DGKI: variants seen among roughly 807,000 people sequenced by gnomAD.
The protein encoded by DGKI is DAG kinase iota.
A neutral mutation model predicts 147.5 loss-of-function variants in DGKI; 55 were observed. The observed-to-expected ratio is 0.37, with a 90% confidence interval of 0.30 to 0.47. DGKI has a LOEUF of 0.47. DGKI is among the 20% of genes least tolerant of loss of function. The pLI is 1.00. For synonymous variants in DGKI, 469 were observed against 477.1 expected (o/e 0.98, Z 0.22); for missense variants, 1,007 against 1,323.8 (o/e 0.76, Z 3.71).
chr7:137,402,524 C>A (rs1008546439), intron 30 of DGKI, among the ~76,000 whole-genome samples: 1 of 152,224 alleles, frequency 6.6e-6, no homozygotes, highest in Non-Finnish European at 1.5e-5. Context: ...CTGTTGGATA[C>A]CCCAGCTCCC....
chr7:137,479,444 C>T (rs1815294024), intron 23 of DGKI, among the ~76,000 whole-genome samples: 1 of 151,988 alleles, frequency 6.6e-6, no homozygotes, highest in African/African-American at 2.4e-5. Flanking sequence ...TTTCTGAAAG[C>T]CAACTGGCAC....
In DGKI at chr7:137,604,616, C is replaced by G. The variant is rs140474257; in HGVS notation, c.1167+4350G>C. 5.2e-3 allele frequency among the ~76,000 whole-genome samples: 796 copies of G among 152,294 alleles called. 6 individuals carry two copies. Among genetic ancestry groups the G allele is most frequent in the Middle Eastern group, 0.014 (4 of 294 alleles). On this transcript the variant is annotated intron_variant, in intron 10 of 32. Coordinates refer to ENST00000614521, the MANE Select transcript of DGKI (RefSeq NM_001321708.2). The stretch of plus-strand genomic sequence containing the variant: ...ATCCAAGGATCCAACTCCTGCCATA[C>G]TTCTACCCCAGGATTCCACATCGAA...
At chr7:137,472,178 A>ATG (rs1214636755) in intron 23 of DGKI, among the ~76,000 whole-genome samples, 7 of 119,428 alleles carry the variant, frequency 5.9e-5, no homozygotes, top group African/African-American at 2.3e-4. Context: ...ACACATATAT[A>ATG]TGTATATACA....
intron 1 of DGKI, among the ~76,000 whole-genome samples, chr7:137,746,443 C>T (rs930189999): frequency 3.9e-5 from 6 of 152,174 alleles, no homozygotes; most frequent in Admixed American, 2.6e-4. Flanking sequence ...TGCTGTCAAG[C>T]GTCGCATTAC....
At chr7:137,518,021 C>G (rs1816839263) in intron 21 of DGKI, among the ~76,000 whole-genome samples, 1 of 151,984 alleles carries the variant, frequency 6.6e-6, no homozygotes, top group Admixed American at 6.6e-5. Flanking sequence ...AGTGAGCTGC[C>G]TCAAGCCAGG....
chr7:137,639,036 A>G (rs543771271), intron 6 of DGKI, among the ~76,000 whole-genome samples: 1 of 152,328 alleles, frequency 6.6e-6, no homozygotes, highest in South Asian at 2.1e-4. Context: ...GTAATTCTAA[A>G]TAGGAGAAGA....
chr7:137,585,100 T>C lies in DGKI; in HGVS notation c.1563+109A>G, dbSNP rs138534663. The C allele has an allele frequency of 4.3e-5, 55 of 1,277,270 alleles. No homozygotes were observed. The African/African-American group carries it at 7.3e-4, about 17-fold the overall frequency. The allele number at this position is 1,277,270 out of a possible 1,614,324, so 79.1% of individuals were successfully genotyped here. A position where few individuals can be genotyped will look rare whatever the true frequency, so the allele number is the denominator to read the frequency against. On this transcript the variant is annotated intron_variant, in intron 14 of 32. Transcript: ENST00000614521. The stretch of plus-strand genomic sequence containing the variant: ...AGCCATCAACTCAAATATTATCACA[T>C]TATCTCATAGGAATTCATCAGCACA...
intron 1 of DGKI, among the ~76,000 whole-genome samples, chr7:137,698,021 TAAAC>T (rs889910674): frequency 1.7e-4 from 26 of 151,334 alleles, no homozygotes; most frequent in East Asian, 3.9e-4. Context: ...TATAGATAGA[TAAAC>T]AGACAGATAG....
At chr7:137,761,751 C>A (rs1278551251) in intron 1 of DGKI, among the ~76,000 whole-genome samples, 1 of 152,168 alleles carries the variant, frequency 6.6e-6, no homozygotes, top group Non-Finnish European at 1.5e-5. Flanking sequence ...CTTTAACTAC[C>A]ACAGTAGATG....
chr7:137,793,473 G>T (rs1796931352), intron 1 of DGKI, among the ~76,000 whole-genome samples: 1 of 151,982 alleles, frequency 6.6e-6, no homozygotes, highest in Non-Finnish European at 1.5e-5. Flanking sequence ...GCTAATTTTT[G>T]TATTTTTAGT....
intron 20 of DGKI, among the ~76,000 whole-genome samples, chr7:137,548,597 GA>G (rs149742636): frequency 0.041 from 6,241 of 152,268 alleles, 284 homozygotes; most frequent in African/African-American, 0.11. Context: ...AGCCTCACCA[GA>G]AGCGAAGCAG....
chr7:137,844,404 A>T (rs1379807066), intron 1 of DGKI, among the ~76,000 whole-genome samples: 1 of 152,190 alleles, frequency 6.6e-6, no homozygotes, highest in Admixed American at 6.5e-5. Flanking sequence ...GGCAATCCCC[A>T]TATATTAGTC....
chr7:137,846,667 TCG>T lies in DGKI; in HGVS notation c.194_195del (p.Ala65AspfsTer106). On this transcript the variant is annotated frameshift_variant, in exon 1 of 33. Coordinates refer to ENST00000614521, the MANE Select transcript of DGKI (RefSeq NM_001321708.2). LOFTEE classifies it high-confidence loss of function. This position sits in a 1 kb window ranked among gnomAD's most constrained non-coding sequence, Gnocchi z 4.0. ...PSSSAGEEKG[A>X]TGGSSSSGSG... Reference sequence around the variant, plus strand: ...CTTCCGCTGCTGCTGCTGCCGCCCGTCGCCCCTTTCTCCTCTCCCGCCGAGGA... The same window carrying T: ...CTTCCGCTGCTGCTGCTGCCGCCCGTCCCCTTTCTCCTCTCCCGCCGAGGA... 9.3e-7 allele frequency: 1 copy of T among 1,072,706 alleles called. No individual in the cohort carries two copies. Among genetic ancestry groups the T allele is most frequent in the South Asian group, 3.1e-5 (1 of 31,882 alleles). The allele number at this position is 1,072,706 out of a possible 1,614,324, so 66.4% of individuals were successfully genotyped here. A position where few individuals can be genotyped will look rare whatever the true frequency, so the allele number is the denominator to read the frequency against.
At chr7:137,792,140 T>C (rs1796874126) in intron 1 of DGKI, among the ~76,000 whole-genome samples, 1 of 152,142 alleles carries the variant, frequency 6.6e-6, no homozygotes, top group South Asian at 2.1e-4. Context: ...ACCTGTGCTA[T>C]GAAACACAGA....
chr7:137,818,449 C>T (rs949428087), intron 1 of DGKI, among the ~76,000 whole-genome samples: 13 of 152,082 alleles, frequency 8.5e-5, no homozygotes, highest in African/African-American at 3.1e-4. Flanking sequence ...TTTCTTGAGA[C>T]GGAGTTTTGC....
Position 137,656,479 on chromosome 7 carries a change from T to C in DGKI, c.668A>G (p.Glu223Gly), listed in dbSNP as rs752276891. Residue 223 changes from glutamate (E) to glycine (G), a missense_variant, in exon 4 of 33, where the codon GAG becomes GGG. Coordinates refer to ENST00000614521, the MANE Select transcript of DGKI (RefSeq NM_001321708.2). Reference protein sequence around the residue: ...CKIVVHTACIEQLEKINFRCK... With the variant: ...CKIVVHTACIGQLEKINFRCK... ...GCGCGCTCTTACCTTTTCTAGCTGC[T>C]CAATGCAGGCGGTGTGGACGACGAT... The C allele has an allele frequency of 6.2e-7, 1 of 1,614,162 alleles. No homozygotes were observed. The highest frequency in any genetic ancestry group is 1.7e-5 in the Admixed American group (1 of 60,022).
At chr7:137,436,845 T>C (rs1408374718) in intron 28 of DGKI, among the ~76,000 whole-genome samples, 2 of 152,102 alleles carry the variant, frequency 1.3e-5, no homozygotes, top group Non-Finnish European at 2.9e-5. Context: ...TTGATTTCTA[T>C]TTAAAAATCA....
chr7:137,500,464 C>T (rs1816130364), intron 21 of DGKI, among the ~76,000 whole-genome samples: 1 of 152,066 alleles, frequency 6.6e-6, no homozygotes, highest in South Asian at 2.1e-4. Flanking sequence ...TAAATGAAAA[C>T]TATTCAACCT....
At chr7:137,776,903 G>C (rs1389063862) in intron 1 of DGKI, among the ~76,000 whole-genome samples, 1 of 152,076 alleles carries the variant, frequency 6.6e-6, no homozygotes, top group South Asian at 2.1e-4. Context: ...CTTTTAAAAA[G>C]ACCAGGCAGG....
Sources: allele counts gnomAD v4.1 joint callset (sites outside exome capture counted in the v4.1 genomes callset), GRCh38; gene constraint gnomAD v4.1.1; non-coding constraint Gnocchi (gnomAD v3.1); transcripts MANE v1.5; gene names NCBI Gene and HGNC (gene_info 2026-07-23, HGNC 2026-07-21).